GRIP1: variants seen among roughly 807,000 people sequenced by gnomAD.
GRIP1 encodes glutamate receptor interacting protein 1.
Under a neutral mutation model 129.9 loss-of-function variants are expected in GRIP1, and 45 were observed. The observed-to-expected ratio is 0.35, with a 90% CI of 0.27 to 0.44. The LOEUF is 0.44. Ranked by LOEUF, GRIP1 falls within the 20% of genes least tolerant of loss-of-function variation. The pLI is 1.00. For synonymous variants in GRIP1, 530 were observed against 520.8 expected (o/e 1.02, Z -0.24); for missense variants, 1,196 against 1,396.8 (o/e 0.86, Z 2.29).
chr12:67,032,708 T>C (rs1307344927), intron 1 of GRIP1, among the ~76,000 whole-genome samples: 2 of 152,118 alleles, frequency 1.3e-5, no homozygotes, highest in East Asian at 3.9e-4. Context: ...TTACCAAATA[T>C]ACCTTGGGGG....
chr12:66,685,933 A>T (rs185079374), intron 1 of GRIP1, among the ~76,000 whole-genome samples: 1 of 152,326 alleles, frequency 6.6e-6, no homozygotes, highest in African/African-American at 2.4e-5. Flanking sequence ...AGTACCTAGC[A>T]CATAGCGCCA....
At chr12:66,549,945 C>T (rs2062070590) in intron 2 of GRIP1, among the ~76,000 whole-genome samples, 1 of 152,026 alleles carries the variant, frequency 6.6e-6, no homozygotes, top group African/African-American at 2.4e-5. Context: ...TATGTGACCC[C>T]TGAAGATATG....
chr12:66,992,499 T>G (rs2042408290), intron 1 of GRIP1, among the ~76,000 whole-genome samples: 1 of 152,098 alleles, frequency 6.6e-6, no homozygotes, highest in Non-Finnish European at 1.5e-5. Flanking sequence ...TATCAACAAG[T>G]CCTGATTACA....
At chr12:66,742,222 T>C (rs1411901778) in intron 1 of GRIP1, among the ~76,000 whole-genome samples, 2 of 152,198 alleles carry the variant, frequency 1.3e-5, no homozygotes, top group Non-Finnish European at 1.5e-5. Flanking sequence ...AACTGTGCTG[T>C]TATATTTGCA....
intron 23 of GRIP1, among the ~76,000 whole-genome samples, chr12:66,368,438 C>T (rs549368833): frequency 5.9e-5 from 9 of 152,132 alleles, no homozygotes; most frequent in South Asian, 2.1e-4. Flanking sequence ...AGGAAAATAA[C>T]GCCAAGCATG....
At position 66,987,861 on chromosome 12, in the gene GRIP1, G is replaced by A. The variant is rs781294204; in HGVS notation, c.58+81189C>T. 7.2e-5 allele frequency among the ~76,000 whole-genome samples: 11 copies of A among 152,064 alleles called. No homozygotes were observed. In the East Asian group the frequency reaches 2.1e-3, roughly 29 times the overall value. On this transcript the variant is annotated intron_variant, in intron 1 of 1. Coordinates refer to the GRIP1 transcript ENST00000643019. ...TCAACCAATGCTTTCAGGAATGCCC[G>A]GTCAACAGCACTACAAGAACACGTG...
At chr12:66,831,502 G>A (rs1052215673) in intron 1 of GRIP1, among the ~76,000 whole-genome samples, 1 of 152,122 alleles carries the variant, frequency 6.6e-6, no homozygotes, top group African/African-American at 2.4e-5. Flanking sequence ...AAGTTCCCTG[G>A]ACATATTTCA....
chr12:66,630,026 G>A (rs751586856), intron 1 of GRIP1, among the ~76,000 whole-genome samples: 15 of 148,278 alleles, frequency 1.0e-4, no homozygotes, highest in Non-Finnish European at 2.1e-4. Flanking sequence ...CAATATCCAA[G>A]GCTCTTTCTA....
At chr12:66,999,166 T>G (rs2135674845) in intron 1 of GRIP1, among the ~76,000 whole-genome samples, 1 of 152,246 alleles carries the variant, frequency 6.6e-6, no homozygotes, top group Non-Finnish European at 1.5e-5. Flanking sequence ...TACATCTCAA[T>G]GGAGCAAACA....
At chr12:66,939,893 C>T (rs1361668640) in intron 1 of GRIP1, among the ~76,000 whole-genome samples, 1 of 152,178 alleles carries the variant, frequency 6.6e-6, no homozygotes, top group African/African-American at 2.4e-5. Context: ...GCATATGACA[C>T]TACCTCCTTT....
chr12:66,555,158 G>A (rs1028720468), intron 2 of GRIP1, among the ~76,000 whole-genome samples: 3 of 152,106 alleles, frequency 2.0e-5, no homozygotes, highest in Admixed American at 2.0e-4. Context: ...TGGCCACAGG[G>A]GTGCATGTGT....
Position 66,521,325 on chromosome 12 carries a change from A to G in GRIP1, c.503-3349T>C, listed in dbSNP as rs183890345. ...AATGAAAGCTACTATTTAAAACTCA[A>G]TCACTTAAGACAAATCCAAATCTGT... is the stretch of plus-strand genomic sequence containing the variant. On this transcript the variant is annotated intron_variant, in intron 5 of 24. Transcript: ENST00000359742. 5.9e-5 allele frequency among the ~76,000 whole-genome samples: 9 copies of G among 152,370 alleles called. No individual in the cohort carries two copies. The East Asian group carries it at 1.3e-3, about 23-fold the overall frequency.
chr12:66,793,825 C>A (rs971659776), intron 1 of GRIP1, among the ~76,000 whole-genome samples: 6 of 152,088 alleles, frequency 3.9e-5, no homozygotes, highest in African/African-American at 1.4e-4. Context: ...AACATACCGA[C>A]AATTGTGTAA....
At chr12:66,748,615 ATC>A (rs1468061146) in intron 1 of GRIP1, among the ~76,000 whole-genome samples, 2 of 152,196 alleles carry the variant, frequency 1.3e-5, no homozygotes, top group African/African-American at 2.4e-5. Flanking sequence ...TGGTTTAAGG[ATC>A]TAGAGAGACT....
chr12:66,725,775 C>A (rs1359937872), intron 1 of GRIP1, among the ~76,000 whole-genome samples: 1 of 152,286 alleles, frequency 6.6e-6, no homozygotes, highest in East Asian at 1.9e-4. Context: ...TATAACAATA[C>A]TTACTCTTAC....
chr12:66,639,419 C>A (rs11176349), intron 1 of GRIP1, among the ~76,000 whole-genome samples: 29,981 of 152,046 alleles, frequency 0.2, 3,083 homozygotes, highest in Non-Finnish European at 0.23. Context: ...TTTGTGAAAG[C>A]ACACAGCATA....
chr12:66,729,741 T>A (rs988330646), intron 1 of GRIP1, among the ~76,000 whole-genome samples: 64 of 152,086 alleles, frequency 4.2e-4, no homozygotes, highest in African/African-American at 1.5e-3. Flanking sequence ...GCCCAGCTAA[T>A]TTTTTGTATT....
Position 66,678,891 on chromosome 12 carries a change from GAGAC to G in GRIP1, c.10_13del (p.Val4LeufsTer9). On this transcript the variant is annotated frameshift_variant, in exon 1 of 25. Transcript: ENST00000359742. LOFTEE classifies it high-confidence loss of function. The stretch of plus-strand genomic sequence containing the variant: ...CAGAATTTGACAACGGCATTTAAAA[GAGAC>G]AGCTATCATTCTTGCTCACTGCTTT... 1.2e-6 allele frequency: 2 copies of G among 1,613,496 alleles called. No homozygotes were observed. Among genetic ancestry groups the G allele is most frequent in the Non-Finnish European group, 1.7e-6 (2 of 1,179,620 alleles).
At chr12:66,781,561 A>G (rs1006711794) in intron 1 of GRIP1, among the ~76,000 whole-genome samples, 1 of 152,190 alleles carries the variant, frequency 6.6e-6, no homozygotes, top group African/African-American at 2.4e-5. Flanking sequence ...TTCTGCAAAC[A>G]TCTCCACAAT....
Sources: gnomAD v4.1 joint callset for allele counts (sites outside exome capture counted in the v4.1 genomes callset) on GRCh38, gnomAD v4.1.1 for gene constraint, MANE v1.5 for transcripts, NCBI Gene and HGNC (gene_info 2026-07-23, HGNC 2026-07-21) for gene names.